Variants in SV2C observed in about 807,000 individuals in gnomAD.
The protein encoded by SV2C is solute carrier family 22 member B3.
A neutral mutation model predicts 79.7 loss-of-function variants in SV2C; 49 were observed. That is an observed-to-expected ratio of 0.61 (90% CI 0.49 to 0.78). SV2C has a LOEUF of 0.78. SV2C is among the 30% of genes least tolerant of loss of function. SV2C has a pLI of 0.00. For synonymous variants in SV2C, 334 were observed against 333.2 expected, an observed-to-expected ratio of 1.00 and a Z score of -0.03; for missense variants, 833 against 912.9, an observed-to-expected ratio of 0.91 and a Z score of 1.13.
chr5:76,051,472 C>T, the SV2C span, among the ~76,000 whole-genome samples: 398 of 152,190 alleles, frequency 2.6e-3, 2 homozygotes, highest in Middle Eastern at 0.01. Flanking sequence ...ACAAAAATAT[C>T]CATCAGTGTT....
the SV2C span, among the ~76,000 whole-genome samples, chr5:76,029,243 A>T: frequency 3.9e-5 from 6 of 152,344 alleles, no homozygotes; most frequent in East Asian, 1.2e-3. Flanking sequence ...AACACCAAAC[A>T]TCTATCCTCT....
the SV2C span, among the ~76,000 whole-genome samples, chr5:75,909,326 C>G: frequency 9.2e-5 from 14 of 152,348 alleles, no homozygotes; most frequent in East Asian, 2.5e-3. Flanking sequence ...CGTCTTTGTT[C>G]CTGCCTGCTT....
chr5:76,084,813 G>T lies in SV2C; in HGVS notation c.-102+1301G>T, dbSNP rs13153529. Among the ~76,000 whole-genome samples the T allele has an allele frequency of 4.9e-3, 738 of 151,690 alleles. 2 individuals carry two copies. Among genetic ancestry groups the T allele is most frequent in the Non-Finnish European group, 9.5e-3 (641 of 67,812 alleles). ...CGCCTGGCGCGGAGAGCGGCGACCC[G>T]GCGGGGCAGAGGGGGGCGGGAGGAC... On this transcript the variant is annotated intron_variant, in intron 1 of 12. Transcript: ENST00000502798.
chr5:76,288,221 A>C (rs948288969), intron 6 of SV2C, among the ~76,000 whole-genome samples: 4 of 152,216 alleles, frequency 2.6e-5, no homozygotes, highest in African/African-American at 9.6e-5. Flanking sequence ...AGTTCTTAAA[A>C]CACATGAAAT....
chr5:76,319,451 C>T (rs78814048), intron 12 of SV2C, among the ~76,000 whole-genome samples: 1,755 of 152,192 alleles, frequency 0.012, 14 homozygotes, highest in African/African-American at 0.025. Flanking sequence ...AAAAATTACA[C>T]GCTTCAGCTG....
chr5:76,214,353 G>A (rs1046670438), intron 4 of SV2C, among the ~76,000 whole-genome samples: 1 of 152,058 alleles, frequency 6.6e-6, no homozygotes, highest in African/African-American at 2.4e-5. Flanking sequence ...ATAAGCATGG[G>A]TTTATTTCTG....
chr5:75,953,463 G>A, the SV2C span, among the ~76,000 whole-genome samples: 1 of 151,948 alleles, frequency 6.6e-6, no homozygotes, highest in African/African-American at 2.4e-5. Context: ...TTCATTTTCA[G>A]CCTCACCATA....
the SV2C span, among the ~76,000 whole-genome samples, chr5:75,944,842 C>T: frequency 6.6e-6 from 1 of 152,072 alleles, no homozygotes; most frequent in Non-Finnish European, 1.5e-5. Context: ...AGGGCCAGCC[C>T]CAGCTGTGAC....
intron 2 of SV2C, chr5:76,171,089 C>A: frequency 1.0e-5 from 1 of 97,542 alleles, no homozygotes; most frequent in Non-Finnish European, 1.8e-5. Context: ...CCCCGCGGGG[C>A]CCGAGGGCAA....
At position 76,195,009 on chromosome 5, in the gene SV2C, G is replaced by A; in HGVS notation, c.671G>A (p.Cys224Tyr). Residue 224 changes from cysteine to tyrosine, a missense_variant, in exon 3 of 13, where the codon TGC becomes TAC. By Grantham distance (194) the Cys-to-Tyr change is radical. Transcript: ENST00000502798. ...KVGRKQSLLI[C>Y]MSVNGFFAFL... ...GGAAGGAAACAGTCTCTTCTGATTTGCATGTCTGTCAACGGATTCTTTGCC... is the reference window on the plus strand; with the variant it reads ...GGAAGGAAACAGTCTCTTCTGATTTACATGTCTGTCAACGGATTCTTTGCC... 1.2e-6 allele frequency: 2 copies of A among 1,614,060 alleles called. No individual in the cohort carries two copies. Among genetic ancestry groups the A allele is most frequent in the Non-Finnish European group, 1.7e-6 (2 of 1,179,954 alleles).
At position 76,177,072 on chromosome 5, in the gene SV2C, G is replaced by A. The variant is rs886527001; in HGVS notation, c.581-17847G>A. ...AGAGCTTGCAGTGAGCCGAGATCAC[G>A]CCACTGCACTCCAGCCTGGGCGACA... On this transcript the variant is annotated intron_variant, in intron 2 of 12. Coordinates refer to ENST00000502798, the MANE Select transcript of SV2C (RefSeq NM_014979.4). 1.7e-4 allele frequency among the ~76,000 whole-genome samples: 26 copies of A among 150,122 alleles called. No individual in the cohort carries two copies. In the South Asian group the frequency reaches 5.1e-3, roughly 29 times the overall value.
At chr5:76,079,559 AT>A, upstream of SV2C, 3 of 310,770 alleles carry the variant, frequency 9.7e-6, no homozygotes, top group Non-Finnish European at 1.3e-5. Context: ...TCTCAGACTG[AT>A]TTTTGACCCA....
the SV2C span, among the ~76,000 whole-genome samples, chr5:76,022,584 C>A: frequency 2.0e-5 from 3 of 152,144 alleles, no homozygotes; most frequent in Non-Finnish European, 4.4e-5. Context: ...CAATGGCTGA[C>A]CTTCTGTACC....
At chr5:76,014,979 G>A in the SV2C span, among the ~76,000 whole-genome samples, 3 of 152,096 alleles carry the variant, frequency 2.0e-5, no homozygotes, top group South Asian at 2.1e-4. Context: ...CTTGGACACC[G>A]TAGAAGACAT....
the SV2C span, among the ~76,000 whole-genome samples, chr5:75,912,054 T>C: frequency 2.0e-5 from 3 of 151,936 alleles, no homozygotes; most frequent in Non-Finnish European, 2.9e-5. Context: ...AGAGGTGGAG[T>C]GAGGCAGGCT....
intron 4 of SV2C, among the ~76,000 whole-genome samples, chr5:76,266,573 G>C (rs941704295): frequency 6.6e-6 from 1 of 152,180 alleles, no homozygotes; most frequent in African/African-American, 2.4e-5. Context: ...GATGAATACT[G>C]TATAATGCCA....
chr5:76,041,663 T>C, the SV2C span, among the ~76,000 whole-genome samples: 1 of 152,092 alleles, frequency 6.6e-6, no homozygotes, highest in Non-Finnish European at 1.5e-5. Flanking sequence ...AGGCGGGTCA[T>C]AGGAAAGCCC....
At chr5:75,934,244 A>G in the SV2C span, among the ~76,000 whole-genome samples, 1 of 151,386 alleles carries the variant, frequency 6.6e-6, no homozygotes, top group East Asian at 1.9e-4. Flanking sequence ...CACTGAGACC[A>G]AATGACATTG....
rs756063528 is a variant in SV2C at position 76,254,242 on chromosome 5, A to G, written c.914-30920A>G. Among the ~76,000 whole-genome samples, 186 of 92,778 alleles carry G rather than the reference A, an allele frequency of 2.0e-3. 1 individual carries two copies. The highest frequency in any genetic ancestry group is 5.9e-3 in the African/African-American group (139 of 23,612). The allele number at this position is 92,778 out of a possible 152,430, so 60.9% of individuals were successfully genotyped here. On this transcript the variant is annotated intron_variant, in intron 4 of 12. Coordinates refer to ENST00000502798, the MANE Select transcript of SV2C (RefSeq NM_014979.4). ...TGTGTGTATATATATGTGTGTGTGT[A>G]TATATATATATATATAGAGAGAGAG...
Sources: gnomAD v4.1 joint callset for allele counts (sites outside exome capture counted in the v4.1 genomes callset) on GRCh38, gnomAD v4.1.1 for gene constraint, MANE v1.5 for transcripts, NCBI Gene and HGNC (gene_info 2026-07-23, HGNC 2026-07-21) for gene names.